The following SH3PXD2A variants were observed in gnomAD, a reference collection of about 807,000 sequenced individuals.
SH3PXD2A encodes SH3 and PX domain-containing protein 2A.
Under a neutral mutation model 115.2 loss-of-function variants are expected in SH3PXD2A, and 32 were observed. The observed-to-expected ratio is 0.28, with a 90% confidence interval of 0.21 to 0.37. SH3PXD2A has a LOEUF of 0.37. SH3PXD2A is among the 10% of genes least tolerant of loss of function. The pLI is 1.00. For missense variants in SH3PXD2A, 1,328 were observed against 1,498.7 expected (o/e 0.89, Z 1.88); for synonymous variants, 610 against 629.1 (o/e 0.97, Z 0.45).
intron 3 of SH3PXD2A, among the ~76,000 whole-genome samples, chr10:103,758,521 A>C (rs2038666535): frequency 6.6e-6 from 1 of 152,250 alleles, no homozygotes. Flanking sequence ...AACCACAACC[A>C]GGCCTACTTT....
chr10:103,706,800 C>G (rs552970059), intron 5 of SH3PXD2A, among the ~76,000 whole-genome samples: 1 of 152,182 alleles, frequency 6.6e-6, no homozygotes, highest in East Asian at 1.9e-4. Flanking sequence ...CTCTCCCCTC[C>G]TTTCCCCCCC....
chr10:103,602,057 G>C lies in SH3PXD2A; in HGVS notation c.3161C>G (p.Pro1054Arg), dbSNP rs1232932928. Residue 1054 changes from proline to arginine, a missense_variant, in exon 15 of 15, where the codon CCC becomes CGC. Coordinates refer to ENST00000369774, the MANE Select transcript of SH3PXD2A (RefSeq NM_001394015.1). ...PLLPAQRNSI[P>R]VSPVRPKPIE... ...GGGCTTGGGGCGCACAGGGGACACG[G>C]GTATGCTGTTGCGCTGGGCGGGCAG... 3 of 1,607,746 alleles carry C rather than the reference G, an allele frequency of 1.9e-6. No homozygotes were observed. The highest frequency in any genetic ancestry group is 2.6e-6 in the Non-Finnish European group (3 of 1,176,142).
Position 103,847,317 on chromosome 10 carries a change from A to AT in SH3PXD2A, c.72+7877dup, listed in dbSNP as rs764722262. 2.1e-3 allele frequency among the ~76,000 whole-genome samples: 301 copies of AT among 142,984 alleles called. 1 individual carries two copies. Among genetic ancestry groups the AT allele is most frequent in the South Asian group, 0.01 (45 of 4,486 alleles). The allele number at this position is 142,984 out of a possible 152,430, so 93.8% of individuals were successfully genotyped here. ...TCATCACGATGCCTAGCTTTTTAGA[A>AT]TTTTTTTTTTTTTTGAGACAGGGTC... is the stretch of plus-strand genomic sequence containing the variant. On this transcript the variant is annotated intron_variant, in intron 1 of 14. Coordinates refer to ENST00000369774, the MANE Select transcript of SH3PXD2A (RefSeq NM_001394015.1).
At chr10:103,723,995 C>G (rs144571465) in intron 5 of SH3PXD2A, among the ~76,000 whole-genome samples, 299 of 152,316 alleles carry the variant, frequency 2.0e-3, no homozygotes, top group African/African-American at 6.7e-3. Context: ...TGTAACAACC[C>G]TGTGAGCCAG....
intron 9 of SH3PXD2A, among the ~76,000 whole-genome samples, chr10:103,626,797 A>AG (rs1564847687): frequency 9.3e-6 from 1 of 107,048 alleles, no homozygotes. Flanking sequence ...AATAAGAAAA[A>AG]GGGGGGTGGG....
At chr10:103,625,484 C>T (rs1592269522) in intron 9 of SH3PXD2A, among the ~76,000 whole-genome samples, 3 of 152,234 alleles carry the variant, frequency 2.0e-5, no homozygotes, top group Admixed American at 2.0e-4. Flanking sequence ...ATGGGGATGG[C>T]CATAGCCACA....
chr10:103,846,778 C>T (rs1366947875), intron 1 of SH3PXD2A, among the ~76,000 whole-genome samples: 1 of 152,168 alleles, frequency 6.6e-6, no homozygotes, highest in African/African-American at 2.4e-5. Flanking sequence ...AACCATGGAG[C>T]CCAGGCATCC....
At chr10:103,787,856 G>A (rs1589454537) in intron 2 of SH3PXD2A, among the ~76,000 whole-genome samples, 1 of 152,194 alleles carries the variant, frequency 6.6e-6, no homozygotes, top group Non-Finnish European at 1.5e-5. Flanking sequence ...GAGCCCCTCA[G>A]CCAGCACTGA....
intron 3 of SH3PXD2A, among the ~76,000 whole-genome samples, chr10:103,763,886 C>A (rs1386531045): frequency 6.6e-6 from 1 of 152,354 alleles, no homozygotes; most frequent in East Asian, 1.9e-4. Flanking sequence ...GCCATTCACC[C>A]TCCAGAGCTC....
intron 3 of SH3PXD2A, among the ~76,000 whole-genome samples, chr10:103,743,819 A>G (rs183619233): frequency 6.6e-6 from 1 of 152,288 alleles, no homozygotes; most frequent in Admixed American, 6.5e-5. Context: ...TTTCTTTAAG[A>G]TTTTCGTCAA....
intron 6 of SH3PXD2A, among the ~76,000 whole-genome samples, chr10:103,672,804 G>C (rs2037481427): frequency 6.6e-6 from 1 of 152,228 alleles, no homozygotes; most frequent in African/African-American, 2.4e-5. Context: ...TAGGGACAAA[G>C]CTGAAAGCAA....
chr10:103,835,356 C>T (rs2039526829), intron 1 of SH3PXD2A, among the ~76,000 whole-genome samples: 1 of 152,218 alleles, frequency 6.6e-6, no homozygotes, highest in African/African-American at 2.4e-5. Context: ...CAAGAACTCA[C>T]AATGACGAAA....
intron 5 of SH3PXD2A, among the ~76,000 whole-genome samples, chr10:103,694,357 C>T (rs3758576): frequency 0.063 from 9,613 of 152,176 alleles, 390 homozygotes; most frequent in South Asian, 0.13. Flanking sequence ...GGAGCAGAGT[C>T]ATCCTCATGG....
intron 2 of SH3PXD2A, among the ~76,000 whole-genome samples, chr10:103,772,099 A>G (rs1344341788): frequency 6.6e-6 from 1 of 152,180 alleles, no homozygotes; most frequent in Non-Finnish European, 1.5e-5. Flanking sequence ...CAGACTCCAG[A>G]GCAAACCAAG....
intron 6 of SH3PXD2A, among the ~76,000 whole-genome samples, chr10:103,687,586 T>C (rs2037695028): frequency 1.3e-5 from 2 of 152,144 alleles, no homozygotes; most frequent in Admixed American, 1.3e-4. Context: ...GCCCACATCC[T>C]ATCTCACCTG....
intron 5 of SH3PXD2A, among the ~76,000 whole-genome samples, chr10:103,720,735 A>C (rs993101379): frequency 9.9e-5 from 15 of 152,238 alleles, no homozygotes; most frequent in African/African-American, 3.4e-4. Context: ...GGAAAGGTCC[A>C]AACAGCCGGA....
chr10:103,823,730 C>T (rs2039403010), intron 1 of SH3PXD2A, among the ~76,000 whole-genome samples: 2 of 152,210 alleles, frequency 1.3e-5, no homozygotes, highest in Admixed American at 1.3e-4. Context: ...GTCCCTGCCT[C>T]ATGGCGTGGC....
At chr10:103,827,747 T>G (rs1217894596) in intron 1 of SH3PXD2A, among the ~76,000 whole-genome samples, 1 of 152,178 alleles carries the variant, frequency 6.6e-6, no homozygotes, top group Non-Finnish European at 1.5e-5. Flanking sequence ...TATGAGCTTT[T>G]GAAGGAGGGG....
At chr10:103,693,155 C>T (rs2037780148) in intron 5 of SH3PXD2A, 99 bp from the exon 6 acceptor site, 2 of 928,782 alleles carry the variant, frequency 2.2e-6, no homozygotes, top group African/African-American at 1.7e-5. Context: ...GGTCGGTCCC[C>T]GGTGCCGCTG....
Sources: gnomAD v4.1 joint callset for allele counts (sites outside exome capture counted in the v4.1 genomes callset) on GRCh38, gnomAD v4.1.1 for gene constraint, MANE v1.5 for transcripts, NCBI Gene and HGNC (gene_info 2026-07-23, HGNC 2026-07-21) for gene names.